Variants in HERC1 observed in about 807,000 individuals in gnomAD.
HERC1 encodes the protein HECT and RLD domain containing E3 ubiquitin protein ligase family member 1, also known as probable E3 ubiquitin-protein ligase HERC1.
A neutral mutation model predicts 554.3 loss-of-function variants in HERC1; 160 were observed. The ratio of observed to expected loss-of-function variants is 0.29; its 90% CI spans 0.25 to 0.33. The LOEUF is 0.33. Ranked by LOEUF, HERC1 falls within the 10% of genes least tolerant of loss-of-function variation. HERC1 has a pLI of 1.00. For missense variants in HERC1, 4,919 were observed against 5,918.5 expected, an observed-to-expected ratio of 0.83 and a Z score of 5.54; for synonymous variants, 2,175 against 2,131.7, an observed-to-expected ratio of 1.02 and a Z score of -0.56.
intron 23 of HERC1, 145 bp from the exon 24 acceptor site, chr15:63,713,040 C>A (rs889419840): frequency 2.4e-6 from 2 of 821,188 alleles, no homozygotes; most frequent in Admixed American, 5.8e-5. Context: ...CTTGTCTGAG[C>A]ACAAAGACCT....
intron 42 of HERC1, 84 bp from the exon 43 acceptor site, chr15:63,664,678 T>C (rs2070526022): frequency 1.8e-6 from 2 of 1,127,734 alleles, no homozygotes; most frequent in Non-Finnish European, 2.5e-6. Flanking sequence ...CTTGTAGTAC[T>C]ACTTTATTCT....
chr15:63,689,413 G>A (rs937163184), intron 33 of HERC1, among the ~76,000 whole-genome samples, 176 bp downstream of exon 33: 2 of 152,044 alleles, frequency 1.3e-5, no homozygotes, highest in Admixed American at 1.3e-4. Context: ...GAGGAAATGA[G>A]TTAAGCATGG....
chr15:63,798,011 G>A (rs377139162), intron 1 of HERC1, among the ~76,000 whole-genome samples: 11 of 152,286 alleles, frequency 7.2e-5, no homozygotes, highest in East Asian at 3.9e-4. Context: ...AATGTTGAGT[G>A]GATGTGAATG....
intron 1 of HERC1, among the ~76,000 whole-genome samples, chr15:63,803,622 G>A (rs1282223700): frequency 6.6e-6 from 1 of 152,100 alleles, no homozygotes; most frequent in Admixed American, 6.5e-5. Flanking sequence ...AACCTCAGAA[G>A]GTTTTAATGA....
Position 63,680,502 on chromosome 15 carries a change from A to G in HERC1, c.6465+35T>C, listed in dbSNP as rs1165050810. The G allele has an allele frequency of 1.9e-6, 3 of 1,604,846 alleles. No homozygotes were observed. The highest frequency in any genetic ancestry group is 2.6e-6 in the Non-Finnish European group (3 of 1,175,614). ...ACCGAGTTGACTATAAATAGAAACA[A>G]GAAAAATGTAATGCTTGTGAATGGG... On this transcript the variant is annotated intron_variant, in intron 35 of 77. Transcript: ENST00000443617. This position sits in a 1 kb window ranked among gnomAD's most constrained non-coding sequence, Gnocchi z 5.8.
chr15:63,625,887 A>G, intron 71 of HERC1, 98 bp downstream of exon 71: 1 of 1,285,894 alleles, frequency 7.8e-7, no homozygotes, highest in East Asian at 2.5e-5. Flanking sequence ...AGAATTTTCC[A>G]AAGGCAGAGG....
chr15:63,620,979 T>C (rs1038086353), intron 74 of HERC1, among the ~76,000 whole-genome samples: 23 of 152,152 alleles, frequency 1.5e-4, no homozygotes, highest in African/African-American at 5.3e-4. Context: ...AATTGGAGCA[T>C]TTAGCCCATT....
chr15:63,651,276 A>G lies in HERC1; in HGVS notation c.10523T>C (p.Met3508Thr), dbSNP rs768291965. 5.0e-6 allele frequency: 8 copies of G among 1,613,898 alleles called. No homozygotes were observed. Among genetic ancestry groups the G allele is most frequent in the Non-Finnish European group, 6.8e-6 (8 of 1,179,838 alleles). Residue 3508 changes from methionine (M) to threonine (T), a missense_variant, in exon 53 of 78, where the codon ATG becomes ACG. Physicochemically the swap from Met to Thr is moderately conservative, Grantham distance 81 (BLOSUM62 -1). This residue lies in a region of HERC1 where 1,963 missense variants were observed against 2,228.6 expected (regional missense o/e 0.88). Transcript: ENST00000443617. ...GKYLAGALEK[M>T]VNIWQVNGGK... ...ACCATTAACTTGCCAGATATTCACC[A>G]TCTTTTCCAAAGCGCCTGCTAGATA... is the stretch of plus-strand genomic sequence containing the variant.
At chr15:63,658,486 TC>T in intron 48 of HERC1, 57 bp downstream of exon 48, 1 of 1,476,450 alleles carries the variant, frequency 6.8e-7, no homozygotes, top group Non-Finnish European at 9.2e-7. Context: ...CCACCAGACT[TC>T]CAGCTAATGT....
intron 72 of HERC1, 90 bp from the exon 73 acceptor site, chr15:63,623,980 C>T: frequency 1.4e-5 from 21 of 1,451,388 alleles, no homozygotes; most frequent in Non-Finnish European, 2.0e-5. Context: ...AATGAAAAAG[C>T]TAGTTTAACA....
chr15:63,636,933 G>A (rs1349706637), intron 64 of HERC1: 1 of 314,614 alleles, frequency 3.2e-6, no homozygotes, highest in African/African-American at 2.2e-5. Flanking sequence ...ACAATGAAAA[G>A]AACCTGAGCT....
At chr15:63,787,322 A>G (rs919429267) in intron 1 of HERC1, among the ~76,000 whole-genome samples, 1 of 151,588 alleles carries the variant, frequency 6.6e-6, no homozygotes, top group Non-Finnish European at 1.5e-5. Flanking sequence ...ACACCCAGCT[A>G]ATTTTTGTAT....
chr15:63,669,260 A>C (rs1476730004), intron 40 of HERC1, among the ~76,000 whole-genome samples: 1 of 152,236 alleles, frequency 6.6e-6, no homozygotes, highest in Admixed American at 6.5e-5. Flanking sequence ...CAGCTAAAGC[A>C]GTACTTAAAG....
chr15:63,675,256 T>C, intron 37 of HERC1, 139 bp from the exon 38 acceptor site: 1 of 649,406 alleles, frequency 1.5e-6, no homozygotes, highest in South Asian at 3.4e-5. Flanking sequence ...GAGAAATCAT[T>C]ACAAACACAG....
chr15:63,783,869 C>T (rs1441884128), intron 1 of HERC1, among the ~76,000 whole-genome samples: 4 of 151,976 alleles, frequency 2.6e-5, no homozygotes, highest in African/African-American at 4.8e-5. Flanking sequence ...AGATCAAGAC[C>T]ATCCTGGCCA....
At chr15:63,676,125 C>T (rs1335919071) in intron 37 of HERC1, among the ~76,000 whole-genome samples, 1 of 152,164 alleles carries the variant, frequency 6.6e-6, no homozygotes, top group Non-Finnish European at 1.5e-5. Flanking sequence ...CGGTCTCAAA[C>T]TCCTGACCTC....
At chr15:63,618,201 T>A (rs1369396666) in intron 74 of HERC1, among the ~76,000 whole-genome samples, 2 of 151,144 alleles carry the variant, frequency 1.3e-5, no homozygotes, top group African/African-American at 4.9e-5. Flanking sequence ...AAGGAAGGGA[T>A]CCAGTTTCAG....
chr15:63,686,642 C>G (rs947997450), intron 33 of HERC1, 107 bp from the exon 34 acceptor site: 1 of 890,472 alleles, frequency 1.1e-6, no homozygotes, highest in African/African-American at 1.7e-5. Context: ...TATGTATCTA[C>G]TATGAATCAG....
At chr15:63,755,111 T>A in intron 6 of HERC1, 118 bp downstream of exon 6, 2 of 700,600 alleles carry the variant, frequency 2.9e-6, no homozygotes, top group Non-Finnish European at 5.0e-6. Context: ...TCCTCTGAGC[T>A]TAAACTAACA....
Sources: allele counts gnomAD v4.1 joint callset (sites outside exome capture counted in the v4.1 genomes callset), GRCh38; gene constraint gnomAD v4.1.1; regional missense constraint gnomAD v4.1.1; non-coding constraint Gnocchi (gnomAD v3.1); transcripts MANE v1.5; gene names NCBI Gene and HGNC (gene_info 2026-07-23, HGNC 2026-07-21).